The following NRXN3 variants were observed in gnomAD, a reference collection of about 807,000 sequenced individuals.
NRXN3 encodes the protein neurexin 3, also known as neurexin III.
NRXN3 carries 32 observed loss-of-function variants against 137.6 expected under a neutral mutation model. The ratio of observed to expected loss-of-function variants is 0.23; its 90% confidence interval spans 0.18 to 0.31. NRXN3 has a LOEUF of 0.31. NRXN3 is among the 10% of genes least tolerant of loss of function. The pLI is 1.00. For synonymous variants in NRXN3, 798 were observed against 784.5 expected, an observed-to-expected ratio of 1.02 and a Z score of -0.29; for missense variants, 1,574 against 2,062.5, an observed-to-expected ratio of 0.76 and a Z score of 4.59.
chr14:78,742,766 T>C (rs758438030), intron 8 of NRXN3, among the ~76,000 whole-genome samples: 2 of 152,210 alleles, frequency 1.3e-5, no homozygotes, highest in Non-Finnish European at 2.9e-5. Flanking sequence ...AAAGTTTGTA[T>C]GTAAATAAAA....
At chr14:78,594,179 T>C (rs1296596004) in intron 4 of NRXN3, among the ~76,000 whole-genome samples, 1 of 152,214 alleles carries the variant, frequency 6.6e-6, no homozygotes, top group Non-Finnish European at 1.5e-5. Flanking sequence ...GGTAATGCAA[T>C]GCAGTCCAAA....
At chr14:79,410,795 A>T (rs1463010534) in intron 15 of NRXN3, among the ~76,000 whole-genome samples, 4 of 152,078 alleles carry the variant, frequency 2.6e-5, no homozygotes, top group African/African-American at 9.7e-5. Context: ...TCCTTTGTTG[A>T]GTCTCAACCA....
chr14:79,498,219 T>C (rs1295511421), intron 16 of NRXN3, among the ~76,000 whole-genome samples: 2 of 152,214 alleles, frequency 1.3e-5, no homozygotes, highest in African/African-American at 4.8e-5. Flanking sequence ...TAGTCACTAA[T>C]TCATCTCATA....
intron 6 of NRXN3, among the ~76,000 whole-genome samples, chr14:78,664,638 C>G (rs2097866537): frequency 6.6e-6 from 1 of 152,102 alleles, no homozygotes; most frequent in South Asian, 2.1e-4. Flanking sequence ...CTTGTTTTAC[C>G]CTGCTTAAGT....
chr14:78,961,548 T>C (rs2099408204), intron 11 of NRXN3, among the ~76,000 whole-genome samples: 1 of 152,118 alleles, frequency 6.6e-6, no homozygotes, highest in Non-Finnish European at 1.5e-5. Flanking sequence ...GGGAGAGAAA[T>C]GAATGCAGCA....
chr14:78,853,675 A>G (rs1243206141), intron 10 of NRXN3, among the ~76,000 whole-genome samples: 1 of 152,140 alleles, frequency 6.6e-6, no homozygotes, highest in Non-Finnish European at 1.5e-5. Context: ...ACTTTCTAGA[A>G]TTTGGCAATA....
At chr14:79,203,441 G>A (rs187781786) in intron 15 of NRXN3, among the ~76,000 whole-genome samples, 15 of 152,232 alleles carry the variant, frequency 9.9e-5, no homozygotes, top group Non-Finnish European at 1.3e-4. Context: ...AAATGAATTA[G>A]GGCTGTACAG....
At chr14:79,787,490 G>A (rs1196565916) in intron 19 of NRXN3, among the ~76,000 whole-genome samples, 2 of 152,158 alleles carry the variant, frequency 1.3e-5, no homozygotes, top group Non-Finnish European at 2.9e-5. Flanking sequence ...TAATAGATCA[G>A]AATCTACTTC....
intron 4 of NRXN3, among the ~76,000 whole-genome samples, chr14:78,395,478 A>G (rs2091343924): frequency 6.6e-6 from 1 of 151,618 alleles, no homozygotes; most frequent in South Asian, 2.1e-4. Context: ...AAAAATGTGT[A>G]TTCTTTTACT....
chr14:78,764,883 C>T (rs2098703818), intron 8 of NRXN3, among the ~76,000 whole-genome samples: 1 of 152,322 alleles, frequency 6.6e-6, no homozygotes, highest in Admixed American at 6.5e-5. Context: ...GACAAATGTG[C>T]CAACCTCCCC....
At chr14:78,388,271 A>G (rs532309164) in intron 4 of NRXN3, among the ~76,000 whole-genome samples, 4 of 152,196 alleles carry the variant, frequency 2.6e-5, no homozygotes, top group Non-Finnish European at 2.9e-5. Flanking sequence ...TCCTTTGACT[A>G]CATTTAGGCT....
rs74592919 is a variant in NRXN3 at position 78,806,694 on chromosome 14, G to T, written c.2248+2871G>T. On this transcript the variant is annotated intron_variant, in intron 9 of 20. Transcript: ENST00000335750. ...AGGCAGCCATATGTGGTGCTAACAG[G>T]TATGAGAAATATCCTATAACTCAGC... is the stretch of plus-strand genomic sequence containing the variant. Among the ~76,000 whole-genome samples, 820 of 152,266 alleles carry T rather than the reference G, an allele frequency of 5.4e-3. 12 individuals are homozygous for T. Among genetic ancestry groups the T allele is most frequent in the African/African-American group, 0.019 (777 of 41,530 alleles).
chr14:78,672,629 A>G (rs2097948689), intron 6 of NRXN3, among the ~76,000 whole-genome samples: 1 of 152,226 alleles, frequency 6.6e-6, no homozygotes, highest in South Asian at 2.1e-4. Context: ...TAGATGCACT[A>G]TTAATGGGAA....
At chr14:79,008,535 C>G (rs2099560123) in intron 15 of NRXN3, among the ~76,000 whole-genome samples, 1 of 151,286 alleles carries the variant, frequency 6.6e-6, no homozygotes, top group Non-Finnish European at 1.5e-5. Context: ...TTGAGCTTGC[C>G]AGCGTAAGTT....
intron 11 of NRXN3, among the ~76,000 whole-genome samples, chr14:78,963,227 C>T (rs138587748): frequency 6.6e-6 from 1 of 152,098 alleles, no homozygotes; most frequent in Non-Finnish European, 1.5e-5. Flanking sequence ...ACCCCTCAAT[C>T]CTGGAGATCA....
chr14:78,530,338 C>T (rs758308236), intron 4 of NRXN3, among the ~76,000 whole-genome samples: 4 of 152,336 alleles, frequency 2.6e-5, no homozygotes, highest in African/African-American at 9.6e-5. Flanking sequence ...ACAGGGCTCT[C>T]AGCCACTGTG....
At chr14:78,996,282 C>A (rs781015944) in intron 15 of NRXN3, among the ~76,000 whole-genome samples, 3 of 152,122 alleles carry the variant, frequency 2.0e-5, no homozygotes, top group Non-Finnish European at 4.4e-5. Context: ...AAAGTAGATA[C>A]TATTGTGATA....
At chr14:78,882,210 C>T (rs1320515618) in intron 10 of NRXN3, among the ~76,000 whole-genome samples, 1 of 151,838 alleles carries the variant, frequency 6.6e-6, no homozygotes, top group East Asian at 1.9e-4. Context: ...CATGGAGAAG[C>T]TCTACTAGGG....
chr14:78,740,859 A>G (rs749343572), intron 8 of NRXN3, among the ~76,000 whole-genome samples: 6 of 151,954 alleles, frequency 3.9e-5, no homozygotes, highest in Non-Finnish European at 5.9e-5. Context: ...TAGCTCTGAT[A>G]TTTTAATTTA....
Sources: allele counts gnomAD v4.1 joint callset (sites outside exome capture counted in the v4.1 genomes callset), GRCh38; gene constraint gnomAD v4.1.1; transcripts MANE v1.5; gene names NCBI Gene and HGNC (gene_info 2026-07-23, HGNC 2026-07-21).